Variants in PDE1C observed in about 807,000 individuals in gnomAD.
The protein encoded by PDE1C is phosphodiesterase 1C.
Under a neutral mutation model 93.1 loss-of-function variants are expected in PDE1C, and 62 were observed. The observed-to-expected ratio is 0.67, with a 90% CI of 0.54 to 0.82. PDE1C has a LOEUF of 0.82. PDE1C is among the 40% of genes least tolerant of loss of function. The pLI is 0.00. For missense variants in PDE1C, 742 were observed against 884.6 expected, an observed-to-expected ratio of 0.84 and a Z score of 2.04; for synonymous variants, 325 against 310.1, an observed-to-expected ratio of 1.05 and a Z score of -0.50.
At chr7:31,848,801 A>G (rs1238977383) in intron 8 of PDE1C, among the ~76,000 whole-genome samples, 1 of 152,214 alleles carries the variant, frequency 6.6e-6, no homozygotes, top group African/African-American at 2.4e-5. Flanking sequence ...TTGGTGGCCA[A>G]GTGGCAGGGC....
intron 3 of PDE1C, among the ~76,000 whole-genome samples, chr7:32,138,228 ATTAAAAAAAT>A (rs1229581691): frequency 6.6e-6 from 1 of 152,210 alleles, no homozygotes; most frequent in Non-Finnish European, 1.5e-5. Flanking sequence ...TTCTTACTTT[ATTAAAAAAAT>A]TTATCCCAAA....
At chr7:31,945,746 A>G (rs1806521862) in intron 2 of PDE1C, among the ~76,000 whole-genome samples, 1 of 152,106 alleles carries the variant, frequency 6.6e-6, no homozygotes, top group Non-Finnish European at 1.5e-5. Context: ...AGCTATTATT[A>G]CTTCAAATAT....
At chr7:32,286,212 A>C (rs2128894838) in intron 1 of PDE1C, among the ~76,000 whole-genome samples, 2 of 152,316 alleles carry the variant, frequency 1.3e-5, no homozygotes, top group South Asian at 4.1e-4. Context: ...GAGATGATAG[A>C]TGTCCCAAAA....
the PDE1C span, among the ~76,000 whole-genome samples, chr7:31,714,686 T>C: frequency 6.6e-6 from 1 of 152,196 alleles, no homozygotes; most frequent in South Asian, 2.1e-4. Context: ...GCAAGCCATG[T>C]CTTACATGGA....
intron 2 of PDE1C, among the ~76,000 whole-genome samples, chr7:31,914,365 TCCGAGAAGAA>T (rs1417883940): frequency 6.6e-6 from 1 of 152,218 alleles, no homozygotes; most frequent in Admixed American, 6.6e-5. Flanking sequence ...GACAAGAAGT[TCCGAGAAGAA>T]CTTAGTGATT....
intron 2 of PDE1C, among the ~76,000 whole-genome samples, chr7:31,985,574 C>T (rs894960558): frequency 2.0e-5 from 3 of 151,620 alleles, no homozygotes; most frequent in South Asian, 2.1e-4. Flanking sequence ...CCTCCCCCAA[C>T]CCCCAGCCCC....
At chr7:32,089,922 T>TA (rs1797370575) in intron 3 of PDE1C, among the ~76,000 whole-genome samples, 1 of 152,200 alleles carries the variant, frequency 6.6e-6, no homozygotes, top group African/African-American at 2.4e-5. Flanking sequence ...GAGACCACAG[T>TA]AAAAATGTTA....
intron 2 of PDE1C, among the ~76,000 whole-genome samples, chr7:31,914,917 C>T (rs546982559): frequency 4.6e-5 from 7 of 152,166 alleles, no homozygotes; most frequent in East Asian, 3.9e-4. Context: ...ACCACTTATG[C>T]GACAATGATG....
At chr7:32,225,252 C>A (rs988725385) in intron 1 of PDE1C, among the ~76,000 whole-genome samples, 3 of 152,052 alleles carry the variant, frequency 2.0e-5, no homozygotes, top group Admixed American at 6.6e-5. Flanking sequence ...CATTATAAAC[C>A]TTCATGGACG....
intron 16 of PDE1C, among the ~76,000 whole-genome samples, chr7:31,805,075 T>C (rs1346374208): frequency 3.3e-5 from 5 of 151,710 alleles, no homozygotes; most frequent in African/African-American, 1.2e-4. Context: ...TAATGGGCAG[T>C]TCCCCTGCAC....
chr7:31,867,356 T>A lies in PDE1C; in HGVS notation c.610-2274A>T, dbSNP rs1323985116. ...ACAATACCCTCCACAGTAGCAGGGC[T>A]GCAGATCCAACAGGCCCAGTTCCAC... On this transcript the variant is annotated intron_variant, in intron 6 of 17. Coordinates refer to ENST00000396191, the MANE Select transcript of PDE1C (RefSeq NM_001191057.4). 6.6e-5 allele frequency among the ~76,000 whole-genome samples: 10 copies of A among 152,108 alleles called. No individual in the cohort carries two copies. In the East Asian group the frequency reaches 1.9e-3, roughly 29 times the overall value.
chr7:32,327,801 T>C (rs1783434833), intron 1 of PDE1C, among the ~76,000 whole-genome samples: 1 of 104,762 alleles, frequency 9.5e-6, no homozygotes, highest in Non-Finnish European at 2.3e-5. Context: ...GAGAATCATG[T>C]AGTGTGGCTT....
chr7:31,687,137 T>C, the PDE1C span: 1 of 152,388 alleles, frequency 6.6e-6, no homozygotes, highest in Non-Finnish European at 1.5e-5. Flanking sequence ...CTTGCCCTGG[T>C]GCCTGTGAAA....
intron 3 of PDE1C, among the ~76,000 whole-genome samples, chr7:32,145,296 C>T (rs1206188916): frequency 1.3e-5 from 2 of 152,128 alleles, no homozygotes; most frequent in Admixed American, 6.6e-5. Flanking sequence ...AGAGGTATTG[C>T]GCAGGACATA....
chr7:31,907,250 T>A (rs944404547), intron 2 of PDE1C, among the ~76,000 whole-genome samples: 5 of 152,142 alleles, frequency 3.3e-5, no homozygotes. Flanking sequence ...ATTCTCTGCA[T>A]TCCTGTGCAT....
intron 1 of PDE1C, among the ~76,000 whole-genome samples, chr7:32,357,337 CA>C (rs568512050): frequency 3.1e-4 from 46 of 146,846 alleles, no homozygotes; most frequent in East Asian, 2.0e-3. Context: ...CCATCACACA[CA>C]AAAAAAAAAC....
chr7:32,231,448 A>C (rs1283278800), intron 1 of PDE1C, among the ~76,000 whole-genome samples: 3 of 152,236 alleles, frequency 2.0e-5, no homozygotes, highest in Non-Finnish European at 4.4e-5. Context: ...ATTTAACATC[A>C]AAACAGATTC....
chr7:31,907,621 T>G (rs10259346), intron 2 of PDE1C, among the ~76,000 whole-genome samples: 65,403 of 152,024 alleles, frequency 0.43, 15,874 homozygotes, highest in Non-Finnish European at 0.54. Context: ...TGAAAGCAAA[T>G]GTATTGCAAC....
At chr7:31,788,837 C>T (rs1784276401) in intron 16 of PDE1C, 1 of 152,170 alleles carries the variant, frequency 6.6e-6, no homozygotes, top group Non-Finnish European at 1.5e-5. Context: ...TTCGATACTA[C>T]AAAGTTCTTC....
Sources: gnomAD v4.1 joint callset for allele counts (sites outside exome capture counted in the v4.1 genomes callset) on GRCh38, gnomAD v4.1.1 for gene constraint, MANE v1.5 for transcripts, NCBI Gene and HGNC (gene_info 2026-07-23, HGNC 2026-07-21) for gene names.